The following DBF4B variants were observed in gnomAD, a reference collection of about 807,000 sequenced individuals.
The protein encoded by DBF4B is DBF4B-CDC7 kinase regulatory subunit, also known as protein DBF4 homolog B.
DBF4B carries 49 observed loss-of-function variants against 53.4 expected under a neutral mutation model. The observed-to-expected ratio is 0.92, with a 90% CI of 0.73 to 1.16. The LOEUF (loss-of-function observed/expected upper bound fraction) is 1.16. DBF4B is among the 50% of genes most tolerant of loss of function. DBF4B has a pLI of 0.00. For missense variants in DBF4B, 692 were observed against 775.0 expected, an observed-to-expected ratio of 0.89 and a Z score of 1.27; for synonymous variants, 257 against 288.7, an observed-to-expected ratio of 0.89 and a Z score of 1.11.
In DBF4B at chr17:44,738,423, A is replaced by G; in HGVS notation, c.712A>G (p.Arg238Gly). ...GTTCCTCAAAATCGAAGATGAAAGC[A>G]GGTGAGTGGGACCTCCTTTCTCTGC... ...APFLKIEDESRKFRPFHHQFK... is the reference protein window; with the variant it reads ...APFLKIEDESGKFRPFHHQFK... The change falls in exon 9 of 14, where the codon AGG (arginine) becomes GGG (glycine). Residue 238 changes from arginine (R) to glycine (G), a missense_variant and splice_region_variant. Transcript: ENST00000315005. 6.2e-7 allele frequency: 1 copy of G among 1,613,660 alleles called. No individual in the cohort carries two copies.
intron 1 of DBF4B, chr17:44,709,048 A>C (rs980184197): frequency 2.6e-5 from 20 of 762,004 alleles, no homozygotes; most frequent in Admixed American, 5.3e-5. Context: ...GCCTGGAGGG[A>C]TGTATGGAGA....
At chr17:44,728,367 C>A (rs1205726426) in intron 3 of DBF4B, among the ~76,000 whole-genome samples, 1 of 152,094 alleles carries the variant, frequency 6.6e-6, no homozygotes, top group Admixed American at 6.6e-5. Context: ...GTAGGTCCCA[C>A]CTCCTAATGG....
chr17:44,748,905 C>T (rs1310712564), intron 13 of DBF4B: 1 of 1,290,270 alleles, frequency 7.8e-7, no homozygotes, highest in African/African-American at 1.5e-5. Flanking sequence ...AGACCTGCCT[C>T]TCTCTCCCAG....
intron 2 of DBF4B, among the ~76,000 whole-genome samples, chr17:44,714,668 C>T (rs182382834): frequency 2.0e-3 from 301 of 151,752 alleles, no homozygotes; most frequent in South Asian, 6.3e-3. Flanking sequence ...TTGTGCATAG[C>T]GATATATATT....
At chr17:44,742,088 C>CA (rs201272304) in intron 10 of DBF4B, among the ~76,000 whole-genome samples, 1,698 of 128,014 alleles carry the variant, frequency 0.013, 32 homozygotes, top group African/African-American at 0.041. Flanking sequence ...TCTGCCTCTA[C>CA]AAAAAATAAA....
chr17:44,725,884 G>A (rs563524983), intron 3 of DBF4B, among the ~76,000 whole-genome samples: 9 of 151,380 alleles, frequency 5.9e-5, no homozygotes, highest in South Asian at 2.1e-4. Flanking sequence ...GCAGAGTGTC[G>A]CCATGTTGCC....
Position 44,721,221 on chromosome 17 carries a change from C to CT in DBF4B, c.83-1659_83-1658insT, listed in dbSNP as rs998694050. On this transcript the variant is annotated intron_variant, in intron 2 of 13. Coordinates refer to ENST00000315005, the MANE Select transcript of DBF4B (RefSeq NM_145663.3). ...CATTATCTCCAACTAATTCTTCCCC[C>CT]CCCCTCCCCTTTTTTGCGACAGAAT... 1.4e-4 allele frequency among the ~76,000 whole-genome samples: 18 copies of CT among 126,318 alleles called. 2 individuals carry two copies. Among genetic ancestry groups the CT allele is most frequent in the African/African-American group, 6.0e-4 (18 of 30,048 alleles). The allele number at this position is 126,318 out of a possible 152,430, so 82.9% of individuals were successfully genotyped here. A position where few individuals can be genotyped will look rare whatever the true frequency, so the allele number is the denominator to read the frequency against.
chr17:44,721,219 C>CCT (rs1973811418), intron 2 of DBF4B, among the ~76,000 whole-genome samples: 1 of 117,872 alleles, frequency 8.5e-6, no homozygotes, highest in African/African-American at 3.8e-5. Context: ...TAATTCTTCC[C>CCT]CCCCCCTCCC....
chr17:44,733,069 G>A (rs563739518), intron 6 of DBF4B, among the ~76,000 whole-genome samples: 1 of 151,478 alleles, frequency 6.6e-6, no homozygotes, highest in East Asian at 1.9e-4. Context: ...GGAGGCTGAG[G>A]CAGGAGAATG....
At chr17:44,716,826 G>T (rs549238275) in intron 2 of DBF4B, among the ~76,000 whole-genome samples, 3 of 151,996 alleles carry the variant, frequency 2.0e-5, no homozygotes, top group Non-Finnish European at 4.4e-5. Flanking sequence ...ACTCTGTATG[G>T]TCCCTCTGAT....
chr17:44,709,969 T>C (rs964087081), intron 2 of DBF4B, among the ~76,000 whole-genome samples: 7 of 151,680 alleles, frequency 4.6e-5, no homozygotes, highest in Admixed American at 2.6e-4. Flanking sequence ...GTCAGGAGAT[T>C]GAGACCATCC....
rs1382005695 is a variant in DBF4B at position 44,751,989 on chromosome 17, C to T, written c.*736C>T. ...GTCAGCTCCGAGACACCTGAAGAGCCCTCCAGCCCTAACTACTTTACTCAG... is the reference window on the plus strand; with the variant it reads ...GTCAGCTCCGAGACACCTGAAGAGCTCTCCAGCCCTAACTACTTTACTCAG... On this transcript the variant is annotated 3_prime_UTR_variant, in exon 14 of 14. Transcript: ENST00000315005. 2.0e-6 allele frequency: 3 copies of T among 1,535,870 alleles called. No individual in the cohort carries two copies. The highest frequency in any genetic ancestry group is 4.9e-5 in the East Asian group (2 of 40,900).
intron 2 of DBF4B, chr17:44,720,163 C>T (rs1441603292): frequency 8.5e-6 from 3 of 351,592 alleles, no homozygotes; most frequent in Non-Finnish European, 1.6e-5. Flanking sequence ...CAGAATCGTC[C>T]TGGAGGTGAT....
intron 9 of DBF4B, among the ~76,000 whole-genome samples, chr17:44,739,704 A>AGAGG (rs1975800498): frequency 6.6e-6 from 1 of 152,202 alleles, no homozygotes; most frequent in African/African-American, 2.4e-5. Flanking sequence ...CTGTCACCAG[A>AGAGG]GAGGGGTACA....
chr17:44,741,503 C>A, intron 10 of DBF4B, 51 bp downstream of exon 10: 1 of 1,298,172 alleles, frequency 7.7e-7, no homozygotes, highest in Non-Finnish European at 1.1e-6. Flanking sequence ...GGCCAAAGTC[C>A]TCCCCATCGG....
intron 2 of DBF4B, among the ~76,000 whole-genome samples, chr17:44,711,706 T>C (rs775580675): frequency 5.3e-5 from 8 of 151,750 alleles, no homozygotes; most frequent in Non-Finnish European, 1.2e-4. Context: ...CCCAGCACTT[T>C]GGGAGGCCGA....
intron 7 of DBF4B, among the ~76,000 whole-genome samples, chr17:44,735,174 G>T (rs1052637475): frequency 3.9e-5 from 6 of 152,174 alleles, no homozygotes; most frequent in Non-Finnish European, 8.8e-5. Context: ...TAGGAGTGTT[G>T]GGGACATTGC....
chr17:44,736,702 G>A, intron 7 of DBF4B, 128 bp from the exon 8 acceptor site: 1 of 954,192 alleles, frequency 1.0e-6, no homozygotes, highest in Non-Finnish European at 1.7e-6. Context: ...CTGAGAGTCT[G>A]GTTCTGCAGG....
intron 5 of DBF4B, chr17:44,731,849 T>A (rs1447027631): frequency 3.7e-6 from 1 of 267,096 alleles, no homozygotes; most frequent in Non-Finnish European, 7.3e-6. Flanking sequence ...TGTTGTGTAC[T>A]TACTGTGCTG....
Sources: allele counts gnomAD v4.1 joint callset (sites outside exome capture counted in the v4.1 genomes callset), GRCh38; gene constraint gnomAD v4.1.1; transcripts MANE v1.5; gene names NCBI Gene and HGNC (gene_info 2026-07-23, HGNC 2026-07-21).